GSN: variants seen among roughly 807,000 people sequenced by gnomAD.
The protein encoded by GSN is gelsolin.
In GSN, 56 loss-of-function variants were observed where a neutral mutation model predicts 85.7. The observed-to-expected ratio is 0.65, with a 90% CI of 0.53 to 0.82. The LOEUF (loss-of-function observed/expected upper bound fraction) is 0.82, where lower values mean the gene tolerates loss of function less well. Ranked by LOEUF, GSN falls within the 40% of genes least tolerant of loss-of-function variation. The pLI is 0.00. For synonymous variants in GSN, 373 were observed against 399.1 expected (o/e 0.93, Z 0.78); for missense variants, 857 against 979.8 (o/e 0.87, Z 1.67).
At chr9:121,251,187 C>CTTTTTTTTTTTTTTTTTTTTTTTTTTT (rs58231680) in intron 6 of GSN, among the ~76,000 whole-genome samples, 2 of 73,032 alleles carry the variant, frequency 2.7e-5, no homozygotes, top group African/African-American at 6.5e-5. Flanking sequence ...CTGATGTGTT[C>CTTTTTTTTTTTTTTTTTTTTTTTTTTT]TTTTTTTTTT....
At chr9:121,226,246 C>T (rs1204671091) in intron 4 of GSN, among the ~76,000 whole-genome samples, 1 of 152,248 alleles carries the variant, frequency 6.6e-6, no homozygotes, top group African/African-American at 2.4e-5. Flanking sequence ...GCAGGTGCTG[C>T]AGAGACCAGC....
chr9:121,258,664 A>G (rs2055018454), intron 6 of GSN, among the ~76,000 whole-genome samples: 1 of 152,180 alleles, frequency 6.6e-6, no homozygotes. Flanking sequence ...AGGCTACTCC[A>G]GTTATTGGAT....
rs2054558349 is a variant in GSN at position 121,239,371 on chromosome 9, T to A, written c.-389+8068T>A. The A allele has an allele frequency of 6.7e-6, 3 of 448,910 alleles. No individual in the cohort carries two copies. In the Admixed American group the frequency reaches 8.0e-5, roughly 12 times the overall value. 27.8% of individuals were successfully genotyped at this position (448,910 alleles called of 1,614,324 possible). ...CAAGTTCAAAAACAGGCAGATGTTG[T>A]CCATTGAGCCATTTTCTTCAAAACC... On this transcript the variant is annotated intron_variant, in intron 5 of 24. Coordinates refer to the GSN transcript ENST00000373823.
chr9:121,218,191 G>C (rs899859236), intron 4 of GSN, among the ~76,000 whole-genome samples: 1 of 152,134 alleles, frequency 6.6e-6, no homozygotes, highest in Admixed American at 6.5e-5. Context: ...TATATTTTAG[G>C]TCTGTCAACC....
At chr9:121,317,360 T>G in intron 8 of GSN, 142 bp downstream of exon 8, 1 of 935,654 alleles carries the variant, frequency 1.1e-6, no homozygotes, top group Non-Finnish European at 1.7e-6. Context: ...GAGGCCTTGG[T>G]TTTGCATTTG....
chr9:121,232,144 A>T (rs1380439547), intron 5 of GSN, among the ~76,000 whole-genome samples: 1 of 152,206 alleles, frequency 6.6e-6, no homozygotes, highest in Non-Finnish European at 1.5e-5. Flanking sequence ...AGACCAGAAG[A>T]TTTGATAATC....
intron 5 of GSN, among the ~76,000 whole-genome samples, chr9:121,240,524 G>C (rs2054583162): frequency 6.6e-6 from 1 of 152,146 alleles, no homozygotes; most frequent in Admixed American, 6.5e-5. Flanking sequence ...ATCTCTTTAG[G>C]GCCTGCTTTC....
At chr9:121,287,172 T>G (rs950936077) in intron 2 of GSN, among the ~76,000 whole-genome samples, 3 of 152,154 alleles carry the variant, frequency 2.0e-5, no homozygotes, top group Non-Finnish European at 2.9e-5. Flanking sequence ...GGCGATTGTT[T>G]TTCCTAAGAA....
chr9:121,324,122 C>T (rs1028382321), intron 11 of GSN, among the ~76,000 whole-genome samples: 1 of 152,204 alleles, frequency 6.6e-6, no homozygotes, highest in Admixed American at 6.5e-5. Flanking sequence ...CCTCTCTGCA[C>T]GTGTTCATGG....
upstream of GSN, among the ~76,000 whole-genome samples, chr9:121,203,863 T>G (rs1485829993): frequency 6.6e-6 from 1 of 152,252 alleles, no homozygotes; most frequent in East Asian, 1.9e-4. Context: ...TATTACATGA[T>G]AATCTAATCT....
chr9:121,300,167 C>A (rs757579467), intron 2 of GSN: 1 of 1,449,896 alleles, frequency 6.9e-7, no homozygotes, highest in Non-Finnish European at 9.7e-7. Context: ...GGCTCGCAGA[C>A]GAGGGTGGGA....
intron 7 of GSN, among the ~76,000 whole-genome samples, chr9:121,316,814 A>G (rs145407754): frequency 1.3e-3 from 198 of 152,324 alleles, no homozygotes; most frequent in Middle Eastern, 3.4e-3. Flanking sequence ...CATTTTCAGC[A>G]AACTATGCAG....
At chr9:121,202,176 C>CT in the GSN span, among the ~76,000 whole-genome samples, 1 of 152,256 alleles carries the variant, frequency 6.6e-6, no homozygotes, top group Admixed American at 6.5e-5. Context: ...GCGCCTGCGT[C>CT]TTGGAGAACT....
At chr9:121,269,457 T>G (rs1024407819) in intron 1 of GSN, among the ~76,000 whole-genome samples, 3 of 152,154 alleles carry the variant, frequency 2.0e-5, no homozygotes, top group Non-Finnish European at 2.9e-5. Flanking sequence ...TGGGAGGGAC[T>G]CTAGCCTCCT....
At chr9:121,235,832 G>A (rs2054481972) in intron 5 of GSN, among the ~76,000 whole-genome samples, 1 of 152,232 alleles carries the variant, frequency 6.6e-6, no homozygotes, top group African/African-American at 2.4e-5. Context: ...GGACAGCCAT[G>A]TGCCTGGCTC....
the GSN span, among the ~76,000 whole-genome samples, chr9:121,202,738 T>C: frequency 1.3e-5 from 2 of 152,198 alleles, no homozygotes; most frequent in African/African-American, 4.8e-5. Flanking sequence ...TTTAACATAT[T>C]TTACAACTGC....
chr9:121,226,891 GA>G (rs1425393255), intron 4 of GSN, among the ~76,000 whole-genome samples: 1 of 152,188 alleles, frequency 6.6e-6, no homozygotes, highest in Non-Finnish European at 1.5e-5. Context: ...GTTAATAATC[GA>G]TCATGCCTAC....
intron 11 of GSN, among the ~76,000 whole-genome samples, chr9:121,322,460 G>A (rs1226875505): frequency 1.3e-5 from 2 of 152,192 alleles, no homozygotes; most frequent in African/African-American, 4.8e-5. Context: ...GCATACTTGG[G>A]TTGATTCCAG....
upstream of GSN, among the ~76,000 whole-genome samples, chr9:121,266,842 G>A (rs2055230372): frequency 6.6e-6 from 1 of 152,192 alleles, no homozygotes; most frequent in East Asian, 1.9e-4. Context: ...TACTGGTGTT[G>A]AACAAAGAGA....
Sources: allele counts gnomAD v4.1 joint callset (sites outside exome capture counted in the v4.1 genomes callset), GRCh38; gene constraint gnomAD v4.1.1; transcripts MANE v1.5; gene names NCBI Gene and HGNC (gene_info 2026-07-23, HGNC 2026-07-21).